IQSEC1: variants seen among roughly 807,000 people sequenced by gnomAD.
IQSEC1 encodes IQ motif and Sec7 domain ArfGEF 1, also known as IQ motif and SEC7 domain-containing protein 1.
Under a neutral mutation model 91.0 loss-of-function variants are expected in IQSEC1, and 31 were observed. The observed-to-expected ratio is 0.34, with a 90% CI of 0.26 to 0.46. The LOEUF is 0.46. IQSEC1 is among the 20% of genes least tolerant of loss of function. IQSEC1 has a pLI of 1.00. For missense variants in IQSEC1, 1,388 were observed against 1,575.6 expected, an observed-to-expected ratio of 0.88 and a Z score of 2.02; for synonymous variants, 699 against 662.6, an observed-to-expected ratio of 1.05 and a Z score of -0.84.
chr3:12,994,287 G>C lies in IQSEC1; in HGVS notation c.24-52422C>G, dbSNP rs1702131979. Among the ~76,000 whole-genome samples, 2 of 151,420 alleles carry C rather than the reference G, an allele frequency of 1.3e-5. No homozygotes were observed. Among genetic ancestry groups the C allele is most frequent in the South Asian group, 2.1e-4 (1 of 4,832 alleles). Reference sequence around the variant, plus strand: ...CCCACCGCCCGTGCGCCGTGACCTTGGCGGGTGGCCTCGCCGCGCCTGGCC... The same window carrying C: ...CCCACCGCCCGTGCGCCGTGACCTTCGCGGGTGGCCTCGCCGCGCCTGGCC... On this transcript the variant is annotated intron_variant, in intron 1 of 13. Coordinates refer to ENST00000613206, the MANE Select transcript of IQSEC1 (RefSeq NM_001134382.3). This position sits in a 1 kb window ranked among gnomAD's most constrained non-coding sequence, Gnocchi z 4.5.
rs78314390 is a variant in IQSEC1 at position 13,010,055 on chromosome 3, T to A, written c.23+62937A>T. Reference sequence around the variant, plus strand: ...GACTGTGTCTCCCTAAGCCTCAGTTTTCTCATCTGCAAAATAGGGATCATA... The same window carrying A: ...GACTGTGTCTCCCTAAGCCTCAGTTATCTCATCTGCAAAATAGGGATCATA... On this transcript the variant is annotated intron_variant, in intron 1 of 13. Transcript: ENST00000613206. Among the ~76,000 whole-genome samples, 740 of 152,342 alleles carry A rather than the reference T, an allele frequency of 4.9e-3. 10 individuals are homozygous for A. Among genetic ancestry groups the A allele is most frequent in the African/African-American group, 0.017 (695 of 41,578 alleles).
chr3:13,201,055 T>A (rs918861522), intron 1 of IQSEC1, among the ~76,000 whole-genome samples: 8 of 152,216 alleles, frequency 5.3e-5, no homozygotes, highest in African/African-American at 1.9e-4. Flanking sequence ...GACTCACTTT[T>A]GGGGGCACTG....
rs1693909068 is a variant in IQSEC1 at position 12,898,816 on chromosome 3, TG to T, written c.*2166del. The T allele has an allele frequency of 6.5e-6, 1 of 153,346 alleles. No individual in the cohort carries two copies. The highest frequency in any genetic ancestry group is 2.4e-5 in the African/African-American group (1 of 41,438). The allele number at this position is 153,346 out of a possible 1,614,324, so 9.5% of individuals were successfully genotyped here. A position where few individuals can be genotyped will look rare whatever the true frequency, so the allele number is the denominator to read the frequency against. On this transcript the variant is annotated 3_prime_UTR_variant, in exon 14 of 14. Coordinates refer to ENST00000613206, the MANE Select transcript of IQSEC1 (RefSeq NM_001134382.3). ...GCCTCACAGCTGACGCCAGATGACA[TG>T]CAGCAGTTTAACGCTTCCAGGTCGG... is the stretch of plus-strand genomic sequence containing the variant.
intron 1 of IQSEC1, among the ~76,000 whole-genome samples, chr3:12,972,755 T>C (rs561116853): frequency 1.3e-5 from 2 of 152,302 alleles, no homozygotes; most frequent in East Asian, 3.9e-4. Flanking sequence ...CATGCCACAC[T>C]GGCCACCACA....
chr3:13,231,490 T>C (rs1694838546), intron 1 of IQSEC1, among the ~76,000 whole-genome samples: 1 of 152,132 alleles, frequency 6.6e-6, no homozygotes, highest in African/African-American at 2.4e-5. Context: ...AGCTTTCTCA[T>C]CTCTTTTTAT....
chr3:13,233,678 C>A (rs1694872662), intron 1 of IQSEC1, among the ~76,000 whole-genome samples: 1 of 152,178 alleles, frequency 6.6e-6, no homozygotes, highest in Non-Finnish European at 1.5e-5. Context: ...TTCTCCCTGC[C>A]ACGTAGCCTG....
At position 13,237,330 on chromosome 3, in the gene IQSEC1, C is replaced by T. The variant is rs116338094; in HGVS notation, c.272+45381G>A. 2.3e-3 allele frequency among the ~76,000 whole-genome samples: 347 copies of T among 152,318 alleles called. 1 individual carries two copies. Among genetic ancestry groups the T allele is most frequent in the African/African-American group, 7.7e-3 (318 of 41,562 alleles). On this transcript the variant is annotated intron_variant, in intron 1 of 15. Transcript: ENST00000648114. ...GGTGGGGACAGGCCCCATCATCCTC[C>T]GAGGCTCTGGACAGGGCCTCCCGTT...
chr3:13,145,890 C>A (rs1222655950), intron 2 of IQSEC1, among the ~76,000 whole-genome samples: 1 of 149,828 alleles, frequency 6.7e-6, no homozygotes, highest in Non-Finnish European at 1.5e-5. Context: ...TGGCGTGGGG[C>A]AGGCAGGCAA....
chr3:13,255,284 T>A (rs73136157), intron 1 of IQSEC1, among the ~76,000 whole-genome samples: 7,332 of 152,188 alleles, frequency 0.048, 581 homozygotes, highest in African/African-American at 0.17. Context: ...CAGGGGTTCC[T>A]GAGGACGGCT....
chr3:13,174,222 A>G (rs1440077716), intron 1 of IQSEC1, among the ~76,000 whole-genome samples: 1 of 152,140 alleles, frequency 6.6e-6, no homozygotes, highest in African/African-American at 2.4e-5. Flanking sequence ...TGGCAACCAG[A>G]TAATACTGGG....
rs190206144 is a variant in IQSEC1, at chr3:13,256,511, A to G, written c.272+26200T>C. Among the ~76,000 whole-genome samples the G allele has an allele frequency of 4.2e-3, 634 of 152,298 alleles. 8 individuals carry two copies. Among genetic ancestry groups the G allele is most frequent in the African/African-American group, 0.014 (595 of 41,558 alleles). ...CATCCTTATCCCCCACCTGACAGAT[A>G]AGCAAACTGATTGGAGGGCAGCCCA... On this transcript the variant is annotated intron_variant, in intron 1 of 15. Coordinates refer to the IQSEC1 transcript ENST00000648114.
intron 2 of IQSEC1, among the ~76,000 whole-genome samples, chr3:13,132,170 C>T (rs1706630840): frequency 6.6e-6 from 1 of 152,224 alleles, no homozygotes; most frequent in Non-Finnish European, 1.5e-5. Context: ...TGCATGGAAA[C>T]TATCTGATCC....
chr3:13,251,492 C>T (rs972981241), intron 1 of IQSEC1, among the ~76,000 whole-genome samples: 1 of 152,126 alleles, frequency 6.6e-6, no homozygotes, highest in African/African-American at 2.4e-5. Flanking sequence ...AGAACCTTCA[C>T]ACTCAGGAAT....
At chr3:13,022,098 C>T in intron 1 of IQSEC1, 1 of 1,231,904 alleles carries the variant, frequency 8.1e-7, no homozygotes, top group Non-Finnish European at 1.0e-6. Context: ...CATACCCCTT[C>T]ATGCCTGGCT....
chr3:12,973,613 C>T (rs1378273662), intron 1 of IQSEC1, among the ~76,000 whole-genome samples: 1 of 152,182 alleles, frequency 6.6e-6, no homozygotes. Context: ...CAAGACCCAA[C>T]CATGACAGTA....
At chr3:13,177,477 C>A (rs1693756730) in intron 1 of IQSEC1, among the ~76,000 whole-genome samples, 1 of 152,248 alleles carries the variant, frequency 6.6e-6, no homozygotes, top group African/African-American at 2.4e-5. Flanking sequence ...CTCCTGTGAA[C>A]CTCATCTCCT....
In IQSEC1 at chr3:12,931,463, C is replaced by T. The variant is rs147136074; in HGVS notation, c.1568+3985G>A. On this transcript the variant is annotated intron_variant, in intron 3 of 13. Transcript: ENST00000613206. The stretch of plus-strand genomic sequence containing the variant: ...CCTACGCTTCCCAGGATGGCTGTGG[C>T]GAATCAGTGAGACAATAGGCGGAAG... Among the ~76,000 whole-genome samples, 458 of 152,316 alleles carry T rather than the reference C, an allele frequency of 3.0e-3. 3 individuals carry two copies. Among genetic ancestry groups the T allele is most frequent in the African/African-American group, 0.01 (435 of 41,568 alleles).
At chr3:13,186,622 C>T (rs1444190072) in intron 1 of IQSEC1, among the ~76,000 whole-genome samples, 1 of 152,184 alleles carries the variant, frequency 6.6e-6, no homozygotes, top group Non-Finnish European at 1.5e-5. Flanking sequence ...TATGCAGAGG[C>T]CCATCTGGAG....
chr3:12,964,698 A>C (rs916025022), intron 1 of IQSEC1, among the ~76,000 whole-genome samples: 1 of 152,184 alleles, frequency 6.6e-6, no homozygotes, highest in African/African-American at 2.4e-5. Flanking sequence ...GACTTGAAAC[A>C]AAATCTGTTT....
Sources: gnomAD v4.1 joint callset for allele counts (sites outside exome capture counted in the v4.1 genomes callset) on GRCh38, gnomAD v4.1.1 for gene constraint, Gnocchi (gnomAD v3.1) non-coding constraint, MANE v1.5 for transcripts, NCBI Gene and HGNC (gene_info 2026-07-23, HGNC 2026-07-21) for gene names.